The following RBFOX1 variants were observed in gnomAD, a reference collection of about 807,000 sequenced individuals.
RBFOX1 encodes RNA binding fox-1 homolog 1.
Under a neutral mutation model 57.7 loss-of-function variants are expected in RBFOX1, and 8 were observed. That is an observed-to-expected ratio of 0.14 (90% CI 0.08 to 0.25). The LOEUF (loss-of-function observed/expected upper bound fraction) is 0.25, where lower values mean the gene tolerates loss of function less well. RBFOX1 is among the 10% of genes least tolerant of loss of function. RBFOX1 has a pLI of 1.00. For synonymous variants in RBFOX1, 326 were observed against 222.4 expected, an observed-to-expected ratio of 1.47 and a Z score of -4.15; for missense variants, 611 against 548.5, an observed-to-expected ratio of 1.11 and a Z score of -1.14.
At chr16:7,088,703 C>G (rs187527175) in intron 4 of RBFOX1, among the ~76,000 whole-genome samples, 87 of 152,126 alleles carry the variant, frequency 5.7e-4, no homozygotes, top group Non-Finnish European at 2.9e-5. Context: ...AAATATATAT[C>G]CTAGTGTAGT....
chr16:5,651,812 A>C (rs147936659), intron 3 of RBFOX1, among the ~76,000 whole-genome samples: 2 of 152,202 alleles, frequency 1.3e-5, no homozygotes, highest in Non-Finnish European at 2.9e-5. Context: ...ATCCATTTGC[A>C]TATCGGTAAC....
chr16:7,211,468 G>A (rs927093274), intron 4 of RBFOX1, among the ~76,000 whole-genome samples: 3 of 151,630 alleles, frequency 2.0e-5, no homozygotes, highest in Non-Finnish European at 4.4e-5. Flanking sequence ...AGCTGTCATA[G>A]GGATAGAAAT....
chr16:6,998,671 C>G lies in RBFOX1; in HGVS notation c.-15-53386C>G, dbSNP rs116874670. Among the ~76,000 whole-genome samples the G allele has an allele frequency of 8.8e-3, 1,341 of 152,204 alleles. 15 individuals are homozygous for G. The highest frequency in any genetic ancestry group is 0.015 in the Non-Finnish European group (1,024 of 68,010). ...TTTCACATTTTGTGTTCCTTTCCCT[C>G]AGACTATTCCAAGAATGAAGGATGT... is the stretch of plus-strand genomic sequence containing the variant. On this transcript the variant is annotated intron_variant, in intron 3 of 15. Transcript: ENST00000550418.
Position 6,828,082 on chromosome 16 carries a change from G to C in RBFOX1, c.-16+173432G>C, listed in dbSNP as rs559398777. Reference sequence around the variant, plus strand: ...ATTAAAAGCCTCTAAGATGCATGCAGTTATGAAGAACCAACAGAAGGTACA... The same window carrying C: ...ATTAAAAGCCTCTAAGATGCATGCACTTATGAAGAACCAACAGAAGGTACA... On this transcript the variant is annotated intron_variant, in intron 3 of 15. Transcript: ENST00000550418. Among the ~76,000 whole-genome samples the C allele has an allele frequency of 2.5e-3, 384 of 152,278 alleles. 2 individuals are homozygous for C. Among genetic ancestry groups the C allele is most frequent in the African/African-American group, 8.8e-3 (364 of 41,558 alleles).
intron 2 of RBFOX1, among the ~76,000 whole-genome samples, chr16:6,368,157 G>T (rs188998112): frequency 9.2e-5 from 14 of 152,164 alleles, no homozygotes; most frequent in African/African-American, 3.1e-4. Context: ...TTCTCTCTGA[G>T]GTTTCAGCTT....
chr16:6,718,009 CCGTCATCACCACCAT>C (rs2065178314), intron 3 of RBFOX1, among the ~76,000 whole-genome samples: 1 of 152,094 alleles, frequency 6.6e-6, no homozygotes, highest in South Asian at 2.1e-4. Flanking sequence ...ACCACCACCA[CCGTCATCACCACCAT>C]CATCACTGGT....
intron 4 of RBFOX1, among the ~76,000 whole-genome samples, chr16:7,271,262 C>T (rs1397926413): frequency 6.6e-6 from 1 of 151,872 alleles, no homozygotes; most frequent in Admixed American, 6.6e-5. Context: ...TGATCTCTGT[C>T]CTTTTTGTAT....
intron 3 of RBFOX1, among the ~76,000 whole-genome samples, chr16:6,935,409 G>A (rs1187887453): frequency 4.6e-5 from 7 of 152,130 alleles, no homozygotes; most frequent in Non-Finnish European, 7.4e-5. Flanking sequence ...TCCAACAGTA[G>A]ATCATAAAAA....
At chr16:5,457,627 C>T (rs7194690) in intron 1 of RBFOX1, among the ~76,000 whole-genome samples, 3,914 of 152,264 alleles carry the variant, frequency 0.026, 138 homozygotes, top group East Asian at 0.088. Flanking sequence ...CTGCATGGAG[C>T]ACTCTTTCTC....
At chr16:6,835,225 G>A (rs1235090753) in intron 3 of RBFOX1, among the ~76,000 whole-genome samples, 1 of 151,996 alleles carries the variant, frequency 6.6e-6, no homozygotes, top group Admixed American at 6.6e-5. Context: ...TGTGAAGATG[G>A]CTCCGTTAGT....
intron 4 of RBFOX1, among the ~76,000 whole-genome samples, chr16:7,486,237 C>T (rs2065354025): frequency 6.6e-6 from 1 of 150,638 alleles, no homozygotes; most frequent in Admixed American, 6.7e-5. Context: ...ATTCTCCTGC[C>T]TCAGCCTCCT....
rs556312348 is a variant in RBFOX1, at chr16:6,971,885, C to G, written c.-15-80172C>G. Among the ~76,000 whole-genome samples the G allele has an allele frequency of 1.6e-4, 24 of 152,178 alleles. 1 individual carries two copies. In the South Asian group the frequency reaches 2.7e-3, roughly 17 times the overall value. ...TTCCCTGCAGTGATCCGCTGGTACC[C>G]TTTACATCAGCAGCCTCAGTGGGGT... is the stretch of plus-strand genomic sequence containing the variant. On this transcript the variant is annotated intron_variant, in intron 3 of 15. Coordinates refer to ENST00000550418, the MANE Select transcript of RBFOX1 (RefSeq NM_018723.4).
At chr16:7,635,100 T>C (rs1391290768) in intron 11 of RBFOX1, among the ~76,000 whole-genome samples, 3 of 152,176 alleles carry the variant, frequency 2.0e-5, no homozygotes, top group Non-Finnish European at 2.9e-5. Flanking sequence ...CAGCGCTGTT[T>C]TGCATATGGC....
At chr16:6,501,176 C>T (rs180946014) in intron 2 of RBFOX1, among the ~76,000 whole-genome samples, 112 of 138,576 alleles carry the variant, frequency 8.1e-4, no homozygotes, top group African/African-American at 2.8e-3. Flanking sequence ...TTTTAGGGTA[C>T]ATGTGCACAA....
At chr16:7,485,319 T>G (rs1045994590) in intron 4 of RBFOX1, among the ~76,000 whole-genome samples, 1 of 152,270 alleles carries the variant, frequency 6.6e-6, no homozygotes, top group Non-Finnish European at 1.5e-5. Context: ...TTTAATGCTT[T>G]GCCTTGCTAT....
intron 1 of RBFOX1, among the ~76,000 whole-genome samples, chr16:6,159,001 C>T (rs1405412235): frequency 6.6e-6 from 1 of 151,932 alleles, no homozygotes; most frequent in African/African-American, 2.4e-5. Flanking sequence ...CTCCTGGGTT[C>T]AAGCAATTCT....
intron 14 of RBFOX1, among the ~76,000 whole-genome samples, chr16:7,698,587 G>A (rs867118295): frequency 6.6e-6 from 1 of 152,152 alleles, no homozygotes; most frequent in Non-Finnish European, 1.5e-5. Context: ...TTTAGAAGAA[G>A]TTTCCCAATT....
intron 2 of RBFOX1, among the ~76,000 whole-genome samples, chr16:6,381,211 G>C (rs1294121365): frequency 2.0e-5 from 3 of 152,122 alleles, no homozygotes; most frequent in Non-Finnish European, 4.4e-5. Context: ...AGATGTGTAA[G>C]TACAAATTTC....
chr16:5,945,273 G>A (rs187255519), intron 4 of RBFOX1, among the ~76,000 whole-genome samples: 1 of 152,256 alleles, frequency 6.6e-6, no homozygotes, highest in East Asian at 1.9e-4. Flanking sequence ...TAGCAGACAC[G>A]AGGACCCACA....
Sources: allele counts gnomAD v4.1 joint callset (sites outside exome capture counted in the v4.1 genomes callset), GRCh38; gene constraint gnomAD v4.1.1; transcripts MANE v1.5; gene names NCBI Gene and HGNC (gene_info 2026-07-23, HGNC 2026-07-21).